The following GP6 variants were observed in gnomAD, a reference collection of about 807,000 sequenced individuals.
GP6 encodes the protein glycoprotein VI platelet, also known as platelet glycoprotein VI.
In GP6, 45 loss-of-function variants were observed where a neutral mutation model predicts 37.3. The ratio of observed to expected loss-of-function variants is 1.21; its 90% confidence interval spans 0.95 to 1.55. GP6 has a LOEUF of 1.55. GP6 is among the 40% of genes most tolerant of loss of function. GP6 has a pLI of 0.00. For missense variants in GP6, 813 were observed against 760.2 expected (o/e 1.07, Z -0.82); for synonymous variants, 340 against 316.4 (o/e 1.07, Z -0.79).
In GP6 at chr19:55,027,705, G is replaced by A. The variant is rs762130319; in HGVS notation, c.483C>T (p.Tyr161=). Residue 161 remains tyrosine, a synonymous_variant, in exon 4 of 8, where the codon TAC becomes TAT. Coordinates refer to ENST00000310373, the MANE Select transcript of GP6 (RefSeq NM_001083899.2). Reference sequence around the variant, plus strand: ...CCGTGATGATGGGAAAACTAGCCCTGTACCATCTCTCGGGATTCTTGTAGG... The same window carrying A: ...CCGTGATGATGGGAAAACTAGCCCTATACCATCTCTCGGGATTCTTGTAGG... The A allele has an allele frequency of 6.2e-7, 1 of 1,612,976 alleles. No homozygotes were observed. Among genetic ancestry groups the A allele is most frequent in the South Asian group, 1.1e-5 (1 of 91,052 alleles).
intron 6 of GP6, among the ~76,000 whole-genome samples, chr19:55,017,100 G>A (rs1311852721): frequency 6.8e-6 from 1 of 147,386 alleles, no homozygotes; most frequent in East Asian, 2.0e-4. Flanking sequence ...ACTATTGCAG[G>A]AGACCAAAAA....
chr19:55,030,672 A>T (rs1437605493), intron 3 of GP6, among the ~76,000 whole-genome samples: 1 of 151,750 alleles, frequency 6.6e-6, no homozygotes, highest in East Asian at 1.9e-4. Context: ...AAATAAATAA[A>T]TAAGAAAAGA....
intron 4 of GP6, among the ~76,000 whole-genome samples, chr19:55,026,301 C>T (rs949585287): frequency 6.6e-6 from 1 of 152,154 alleles, no homozygotes; most frequent in Non-Finnish European, 1.5e-5. Context: ...ATTTTTCTTG[C>T]AAAACTGAAA....
rs1209300182 is a variant in GP6 at position 55,014,026 on chromosome 19, T to C, written c.*56A>G. ...GATTTTAAAAATGTATACAGAATTG[T>C]ACATATTTATGGGGTGGACAGCAAT... On this transcript the variant is annotated 3_prime_UTR_variant, in exon 8 of 8. Transcript: ENST00000310373. The C allele has an allele frequency of 1.8e-6, 1 of 544,604 alleles. No individual in the cohort carries two copies. The highest frequency in any genetic ancestry group is 4.4e-5 in the East Asian group (1 of 22,536). The allele number at this position is 544,604 out of a possible 1,614,324, so 33.7% of individuals were successfully genotyped here. A position where few individuals can be genotyped will look rare whatever the true frequency, so the allele number is the denominator to read the frequency against.
At chr19:55,029,018 A>G (rs1362878049) in intron 3 of GP6, among the ~76,000 whole-genome samples, 2 of 149,978 alleles carry the variant, frequency 1.3e-5, no homozygotes, top group Non-Finnish European at 2.9e-5. Context: ...GAGAGAAAGC[A>G]AAAGAAAGGA....
chr19:55,019,107 C>CTTTTTTTTT (rs538058206), intron 5 of GP6, among the ~76,000 whole-genome samples: 4 of 132,872 alleles, frequency 3.0e-5, no homozygotes, highest in Non-Finnish European at 4.7e-5. Flanking sequence ...TCTTTTTTTT[C>CTTTTTTTTT]TTTTTTTTTT....
chr19:55,028,634 C>G (rs915376283), intron 3 of GP6, among the ~76,000 whole-genome samples: 3 of 152,050 alleles, frequency 2.0e-5, no homozygotes, highest in Non-Finnish European at 4.4e-5. Flanking sequence ...TTTTGTTTTT[C>G]AATTATACCT....
At chr19:55,022,348 A>C (rs2074116935) in intron 5 of GP6, among the ~76,000 whole-genome samples, 2 of 152,168 alleles carry the variant, frequency 1.3e-5, no homozygotes, top group South Asian at 2.1e-4. Context: ...GAACGGGTCC[A>C]GTTTCTATTT....
At position 55,032,086 on chromosome 19, in the gene GP6, G is replaced by C. The variant is rs565720499; in HGVS notation, c.325+53C>G. The C allele has an allele frequency of 2.1e-5, 33 of 1,586,786 alleles. No homozygotes were observed. In the African/African-American group the frequency reaches 2.8e-4, roughly 14 times the overall value. On this transcript the variant is annotated intron_variant, in intron 3 of 7. Coordinates refer to ENST00000310373, the MANE Select transcript of GP6 (RefSeq NM_001083899.2). ...CCTGCCCTCAATGTCCCCCGTATTT[G>C]TGTCCTGAACGGAGGACCACGCAGT... is the stretch of plus-strand genomic sequence containing the variant.
At chr19:55,024,257 C>A (rs377753643) in intron 5 of GP6, among the ~76,000 whole-genome samples, 4 of 151,310 alleles carry the variant, frequency 2.6e-5, no homozygotes, top group Non-Finnish European at 5.9e-5. Context: ...CAGAAGCACA[C>A]GCACACATAT....
chr19:55,015,140 C>G lies in GP6; in HGVS notation c.805G>C (p.Gly269Arg). 1 of 1,572,118 alleles carries G rather than the reference C, an allele frequency of 6.4e-7. No homozygotes were observed. Among genetic ancestry groups the G allele is most frequent in the Non-Finnish European group, 8.6e-7 (1 of 1,158,230 alleles). Reference sequence around the variant, plus strand: ...CGAGGCATATCCGGACCAGGTTGCCCTTGGTGTAGTACTGGCGGGCAGGAC... The same window carrying G: ...CGAGGCATATCCGGACCAGGTTGCCGTTGGTGTAGTACTGGCGGGCAGGAC... Residue 269 changes from glycine (G) to arginine (R), a missense_variant, in exon 8 of 8, where the codon GGG (glycine) becomes CGG (arginine). Coordinates refer to ENST00000310373, the MANE Select transcript of GP6 (RefSeq NM_001083899.2).
rs11084384 is a variant in GP6, at chr19:55,032,036, G to T, written c.325+103C>A. The T allele has an allele frequency of 0.47, 541,899 of 1,158,074 alleles. 128,650 individuals carry two copies. Among genetic ancestry groups the T allele is most frequent in the East Asian group, 0.57 (22,421 of 39,554 alleles). 71.7% of individuals were successfully genotyped at this position (1,158,074 alleles called of 1,614,324 possible). On this transcript the variant is annotated intron_variant, in intron 3 of 7. Coordinates refer to ENST00000310373, the MANE Select transcript of GP6 (RefSeq NM_001083899.2). ...CGTGGCACCACCACCCGCTAGGCCAGTGCCTCGTTTGCCTCACCCTAATCC... is the reference window on the plus strand; with the variant it reads ...CGTGGCACCACCACCCGCTAGGCCATTGCCTCGTTTGCCTCACCCTAATCC...
chr19:55,021,518 T>TGG (rs201724159), intron 5 of GP6, among the ~76,000 whole-genome samples: 6 of 85,608 alleles, frequency 7.0e-5, no homozygotes, highest in East Asian at 9.8e-4. Context: ...TGACTTTTGT[T>TGG]GGTTTTTTTT....
intron 3 of GP6, among the ~76,000 whole-genome samples, chr19:55,030,213 A>G (rs958483995): frequency 6.6e-6 from 1 of 152,192 alleles, no homozygotes; most frequent in Non-Finnish European, 1.5e-5. Flanking sequence ...AAAGTGCACT[A>G]ACTGGGTGCA....
chr19:55,016,056 A>G (rs2073862095), intron 6 of GP6, among the ~76,000 whole-genome samples: 2 of 151,682 alleles, frequency 1.3e-5, no homozygotes, highest in South Asian at 4.2e-4. Context: ...CAGGAAGATC[A>G]CCTGAGCCCT....
At chr19:55,015,867 G>A (rs2073856025) in intron 6 of GP6, 134 bp from the exon 7 acceptor site, 1 of 709,738 alleles carries the variant, frequency 1.4e-6, no homozygotes, top group South Asian at 1.5e-5. Flanking sequence ...GCCGGGCACG[G>A]TGCCTCATGC....
At position 55,014,776 on chromosome 19, in the gene GP6, G is replaced by C. The variant is rs1237104127; in HGVS notation, c.1169C>G (p.Ser390Cys). The change falls in exon 8 of 8, where the codon TCC becomes TGC. Residue 390 changes from serine to cysteine, a missense_variant. Transcript: ENST00000310373. ...ACACTGGCCGAACGGCTCCCTGATG[G>C]AACACCAGGAGGAGGCAGCATGGCC... The C allele has an allele frequency of 6.2e-7, 1 of 1,613,660 alleles. No homozygotes were observed. Among genetic ancestry groups the C allele is most frequent in the Admixed American group, 1.7e-5 (1 of 59,950 alleles).
At position 55,014,627 on chromosome 19, in the gene GP6, A is replaced by G. The variant is rs2073782050; in HGVS notation, c.1318T>C (p.Trp440Arg). ...ATTAGAGAGGTTGAAGAAAGAGGCC[A>G]GTATGTGGTCCAGCCAGGGTACCAT... The change falls in exon 8 of 8, where the codon TGG becomes CGG. Residue 440 changes from tryptophan to arginine, a missense_variant. Transcript: ENST00000310373. 1.2e-6 allele frequency: 2 copies of G among 1,614,006 alleles called. No homozygotes were observed. Among genetic ancestry groups the G allele is most frequent in the South Asian group, 1.1e-5 (1 of 91,088 alleles).
intron 7 of GP6, 54 bp from the exon 8 acceptor site, chr19:55,015,219 C>A: frequency 6.5e-7 from 1 of 1,549,980 alleles, no homozygotes; most frequent in Non-Finnish European, 8.7e-7. Flanking sequence ...TCCAGGACCC[C>A]CTCCAAGCCA....
Sources: gnomAD v4.1 joint callset for allele counts (sites outside exome capture counted in the v4.1 genomes callset) on GRCh38, gnomAD v4.1.1 for gene constraint, MANE v1.5 for transcripts, NCBI Gene and HGNC (gene_info 2026-07-23, HGNC 2026-07-21) for gene names.